Variants in OR2AT4 observed in about 807,000 individuals in gnomAD.
OR2AT4 encodes olfactory receptor family 2 subfamily AT member 4, also known as olfactory receptor 2AT4.
OR2AT4 carries 6 observed loss-of-function variants against 10.3 expected under a neutral mutation model. That is an observed-to-expected ratio of 0.58 (90% CI 0.32 to 1.15). The LOEUF is 1.15. OR2AT4 is among the 50% of genes most tolerant of loss of function. The probability of loss-of-function intolerance (pLI) is 0.05; values close to 1 mark genes in which losing one functional copy is unlikely to be tolerated. For synonymous variants in OR2AT4, 145 were observed against 159.1 expected, an observed-to-expected ratio of 0.91 and a Z score of 0.67; for missense variants, 354 against 393.8, an observed-to-expected ratio of 0.90 and a Z score of 0.85.
exon 2 of OR2AT4, chr11:75,083,484 G>A (rs2140277609): frequency 6.6e-6 from 1 of 152,244 alleles, no homozygotes; most frequent in Middle Eastern, 3.4e-3. Context: ...AAGTGGTTTG[G>A]CAATTTCTCA....
chr11:75,085,158 C>T (rs1949284085), exon 2 of OR2AT4: 1 of 151,838 alleles, frequency 6.6e-6, no homozygotes, highest in African/African-American at 2.4e-5. Flanking sequence ...TCACAGAAAA[C>T]ACAAATTGCC....
chr11:75,089,071 G>C, exon 2 of OR2AT4: 1 of 1,613,992 alleles, frequency 6.2e-7, no homozygotes, highest in East Asian at 2.2e-5. Flanking sequence ...AGGAGAAGGG[G>C]GAGGAAGGAC....
At chr11:75,087,950 T>G (rs1949298019) in exon 2 of OR2AT4, 1 of 152,236 alleles carries the variant, frequency 6.6e-6, no homozygotes, top group Non-Finnish European at 1.5e-5. Flanking sequence ...TTCCTGAAAT[T>G]TTAAGCAAAC....
chr11:75,084,919 G>A (rs1334522680), exon 2 of OR2AT4: 1 of 152,084 alleles, frequency 6.6e-6, no homozygotes, highest in Non-Finnish European at 1.5e-5. Flanking sequence ...AGACTTCAAT[G>A]CTTACATTGA....
intron 1 of OR2AT4, among the ~76,000 whole-genome samples, chr11:75,094,924 C>T (rs1214618500): frequency 3.3e-5 from 5 of 152,176 alleles, no homozygotes; most frequent in African/African-American, 1.2e-4. Context: ...AAGCAAATCA[C>T]CAGGTTTTTC....
chr11:75,087,711 A>G (rs896122932), exon 2 of OR2AT4: 1 of 152,258 alleles, frequency 6.6e-6, no homozygotes, highest in East Asian at 1.9e-4. Flanking sequence ...AGTCACTTAC[A>G]GTAATTTTCT....
exon 2 of OR2AT4, chr11:75,089,384 T>C (rs774659361): frequency 6.2e-7 from 1 of 1,614,008 alleles, no homozygotes; most frequent in Non-Finnish European, 8.5e-7. Context: ...ATGTAAAACT[T>C]TGGAAGAGGT....
exon 2 of OR2AT4, chr11:75,082,584 T>A (rs907607353): frequency 1.3e-5 from 2 of 152,054 alleles, no homozygotes; most frequent in Non-Finnish European, 2.9e-5. Context: ...AATGTAAAGA[T>A]CTCAAAGTAT....
At chr11:75,096,667 A>T (rs777285499) in intron 1 of OR2AT4, among the ~76,000 whole-genome samples, 161 bp downstream of exon 1, 20 of 152,104 alleles carry the variant, frequency 1.3e-4, no homozygotes, top group Non-Finnish European at 2.9e-4. Flanking sequence ...TGTCTGGTCT[A>T]CACTCACCCA....
intron 1 of OR2AT4, among the ~76,000 whole-genome samples, chr11:75,093,390 T>C (rs538906870): frequency 6.6e-6 from 1 of 152,354 alleles, no homozygotes; most frequent in Non-Finnish European, 1.5e-5. Context: ...CTTGGGAGTC[T>C]TGGGAGCCAT....
chr11:75,093,014 C>T (rs1043924755), intron 1 of OR2AT4, among the ~76,000 whole-genome samples: 17 of 152,134 alleles, frequency 1.1e-4, no homozygotes, highest in Admixed American at 2.0e-4. Flanking sequence ...GCAGGAGAAT[C>T]GCTTGAACCT....
At chr11:75,095,014 C>A (rs1286706344) in intron 1 of OR2AT4, among the ~76,000 whole-genome samples, 1 of 152,100 alleles carries the variant, frequency 6.6e-6, no homozygotes, top group African/African-American at 2.4e-5. Flanking sequence ...TGAATGCCAC[C>A]GAGTTAGGCT....
exon 2 of OR2AT4, chr11:75,089,290 T>A (rs761636564): frequency 1.2e-6 from 2 of 1,614,186 alleles, no homozygotes; most frequent in East Asian, 4.5e-5. Context: ...GTCTGTGGGT[T>A]CATGAGGACA....
At chr11:75,094,326 C>T (rs1191465239) in intron 1 of OR2AT4, among the ~76,000 whole-genome samples, 1 of 152,114 alleles carries the variant, frequency 6.6e-6, no homozygotes, top group Non-Finnish European at 1.5e-5. Context: ...TTTCTCTTTC[C>T]TTCTCCATAT....
intron 1 of OR2AT4, among the ~76,000 whole-genome samples, chr11:75,096,435 C>T (rs541910765): frequency 1.6e-4 from 24 of 152,332 alleles, no homozygotes; most frequent in African/African-American, 5.5e-4. Context: ...GCAGGATATA[C>T]GTGAAGCACA....
exon 2 of OR2AT4, chr11:75,089,383 T>C (rs768864384): frequency 5.0e-6 from 8 of 1,613,998 alleles, no homozygotes; most frequent in Admixed American, 3.3e-5. Flanking sequence ...CATGTAAAAC[T>C]TTGGAAGAGG....
intron 1 of OR2AT4, among the ~76,000 whole-genome samples, chr11:75,091,801 T>G (rs1002292929): frequency 1.3e-5 from 2 of 152,222 alleles, no homozygotes; most frequent in African/African-American, 4.8e-5. Flanking sequence ...GATAGAAATG[T>G]TCTATGTATT....
chr11:75,088,946 G>A (rs1412544743), exon 2 of OR2AT4: 1 of 1,614,104 alleles, frequency 6.2e-7, no homozygotes, highest in Non-Finnish European at 8.5e-7. Context: ...TAGATGAGTA[G>A]TAGGTGCCCA....
intron 1 of OR2AT4, among the ~76,000 whole-genome samples, chr11:75,096,456 C>G (rs1342506845): frequency 6.6e-6 from 1 of 152,220 alleles, no homozygotes; most frequent in Non-Finnish European, 1.5e-5. Flanking sequence ...GAATCTAGGT[C>G]TATTAACTTT....
Sources: gnomAD v4.1 joint callset for allele counts (sites outside exome capture counted in the v4.1 genomes callset) on GRCh38, gnomAD v4.1.1 for gene constraint, MANE v1.5 for transcripts, NCBI Gene and HGNC (gene_info 2026-07-23, HGNC 2026-07-21) for gene names.